Variants in ESPL1 observed in about 807,000 individuals in gnomAD.
ESPL1 encodes the protein separin.
A neutral mutation model predicts 217.2 loss-of-function variants in ESPL1; 50 were observed. The ratio of observed to expected loss-of-function variants is 0.23; its 90% confidence interval spans 0.18 to 0.29. ESPL1 has a LOEUF of 0.29. ESPL1 is among the 10% of genes least tolerant of loss of function. The pLI is 1.00. For missense variants in ESPL1, 1,834 were observed against 2,603.0 expected, an observed-to-expected ratio of 0.70 and a Z score of 6.43; for synonymous variants, 994 against 1,081.3, an observed-to-expected ratio of 0.92 and a Z score of 1.58.
rs1565767308 is a variant in ESPL1, at chr12:53,292,563, T to C, written c.5913-11T>C. 6.2e-7 allele frequency: 1 copy of C among 1,610,392 alleles called. No individual in the cohort carries two copies. The highest frequency in any genetic ancestry group is 8.5e-7 in the Non-Finnish European group (1 of 1,178,990). On this transcript the variant is annotated splice_polypyrimidine_tract_variant and intron_variant, in intron 28 of 30. Transcript: ENST00000257934. The surrounding 1 kb of genome is among the most constrained non-coding windows in gnomAD (Gnocchi z 4.5). Reference sequence around the variant, plus strand: ...CATTTCCCTATTCTCACACCTGCCTTTTCCCTGCAGTGAAGCTGGCTGGAG... The same window carrying C: ...CATTTCCCTATTCTCACACCTGCCTCTTCCCTGCAGTGAAGCTGGCTGGAG...
In ESPL1 at chr12:53,286,967, G is replaced by A; in HGVS notation, c.4176+55G>A. On this transcript the variant is annotated intron_variant, in intron 18 of 30. Coordinates refer to ENST00000257934, the MANE Select transcript of ESPL1 (RefSeq NM_012291.5). The surrounding 1 kb of genome is among the most constrained non-coding windows in gnomAD (Gnocchi z 5.3). ...GATGGTGTTGGATGGGGTTAGTCCT[G>A]GAGGAGAGTGTTTTATAGAGCAGGT... 2 of 1,515,204 alleles carry A rather than the reference G, an allele frequency of 1.3e-6. No homozygotes were observed. The highest frequency in any genetic ancestry group is 1.8e-6 in the Non-Finnish European group (2 of 1,128,544). The allele number at this position is 1,515,204 out of a possible 1,614,324, so 93.9% of individuals were successfully genotyped here.
Position 53,269,689 on chromosome 12 carries a change from C to G in ESPL1, c.747C>G (p.Leu249=). 2.9e-5 allele frequency: 47 copies of G among 1,614,210 alleles called. No homozygotes were observed. The highest frequency in any genetic ancestry group is 3.9e-5 in the Non-Finnish European group (46 of 1,180,038). The change falls in exon 3 of 31, where the codon CTC becomes CTG. Residue 249 remains leucine, a synonymous_variant. Coordinates refer to ENST00000257934, the MANE Select transcript of ESPL1 (RefSeq NM_012291.5). The surrounding 1 kb of genome is among the most constrained non-coding windows in gnomAD (Gnocchi z 6.7). ...GGCTTCTTTCTCCCCAGAGGGCCCT[C>G]TGCCTCTTGGAGCTCACCTTGGAAC... The part of the protein sequence containing the change: ...SSGLLSPQRA[L]CLLELTLEHC...
rs1035862635 is a variant in ESPL1, at chr12:53,270,749, C to T, written c.1320C>T (p.Ala440=). Reference sequence around the variant, plus strand: ...CTACCGTTGTCTGGATGCTGGAGGCCTTAGAGGGCCTGTCGGGCCAAGAGC... The same window carrying T: ...CTACCGTTGTCTGGATGCTGGAGGCTTTAGAGGGCCTGTCGGGCCAAGAGC... The part of the protein sequence containing the change: ...CKSTVVWMLE[A]LEGLSGQELT... Residue 440 remains alanine (A), a synonymous_variant, in exon 5 of 31, where the codon GCC becomes GCT. Coordinates refer to ENST00000257934, the MANE Select transcript of ESPL1 (RefSeq NM_012291.5). 14 of 1,614,030 alleles carry T rather than the reference C, an allele frequency of 8.7e-6. No homozygotes were observed. Among genetic ancestry groups the T allele is most frequent in the Non-Finnish European group, 1.2e-5 (14 of 1,180,040 alleles).
intron 7 of ESPL1, among the ~76,000 whole-genome samples, chr12:53,275,881 T>C (rs1380966062): frequency 1.3e-5 from 2 of 152,140 alleles, no homozygotes; most frequent in Non-Finnish European, 1.5e-5. Context: ...GTATGCTCTA[T>C]GAAGACAATT....
intron 11 of ESPL1, 23 bp downstream of exon 11, chr12:53,277,983 G>A: frequency 6.2e-7 from 1 of 1,609,968 alleles, no homozygotes; most frequent in Non-Finnish European, 8.5e-7. Flanking sequence ...GGCATTGAGG[G>A]GGACCCATAT....
Position 53,286,813 on chromosome 12 carries a change from T to A in ESPL1, c.4077T>A (p.His1359Gln). Reference sequence around the variant, plus strand: ...ACCGGATCAGGCAAGCTGGCCCTCATGTCCCCTTCACGGTGTTTGAGGAAG... The same window carrying A: ...ACCGGATCAGGCAAGCTGGCCCTCAAGTCCCCTTCACGGTGTTTGAGGAAG... The part of the protein sequence containing the change: ...PPDRIRQAGP[H>Q]VPFTVFEEVC... The change falls in exon 18 of 31, where the codon CAT (histidine) becomes CAA (glutamine). Residue 1359 changes from histidine to glutamine, a missense_variant. By Grantham distance (24) the His-to-Gln change is conservative. Around this residue, in one of 5 missense-constraint regions of ESPL1, gnomAD observed 681 missense variants for 808.0 expected, o/e 0.84. Coordinates refer to ENST00000257934, the MANE Select transcript of ESPL1 (RefSeq NM_012291.5). The surrounding 1 kb of genome is among the most constrained non-coding windows in gnomAD (Gnocchi z 5.3). 3.7e-6 allele frequency: 6 copies of A among 1,614,104 alleles called. No individual in the cohort carries two copies. The highest frequency in any genetic ancestry group is 5.1e-6 in the Non-Finnish European group (6 of 1,180,006).
At chr12:53,276,996 G>C in intron 8 of ESPL1, 87 bp from the exon 9 acceptor site, 2 of 1,567,856 alleles carry the variant, frequency 1.3e-6, no homozygotes, top group Middle Eastern at 3.4e-4. Context: ...CAAAGGGCGA[G>C]GCCAGCTGTT....
Position 53,269,423 on chromosome 12 carries a change from C to G in ESPL1, c.481C>G (p.Arg161Gly). The G allele has an allele frequency of 6.2e-7, 1 of 1,613,832 alleles. No individual in the cohort carries two copies. Among genetic ancestry groups the G allele is most frequent in the Non-Finnish European group, 8.5e-7 (1 of 1,179,962 alleles). Residue 161 changes from arginine (R) to glycine (G), a missense_variant, in exon 3 of 31, where the codon CGG becomes GGG. Coordinates refer to ENST00000257934, the MANE Select transcript of ESPL1 (RefSeq NM_012291.5). This position sits in a 1 kb window ranked among gnomAD's most constrained non-coding sequence, Gnocchi z 6.7. ...LWKGAEALLE[R>G]RAAFAARLKA... ...GAAGGGGGCAGAAGCCCTGTTGGAA[C>G]GGCGAGCTGCATTTGCAGCTCGGCT... is the stretch of plus-strand genomic sequence containing the variant.
chr12:53,279,142 C>T (rs114780779), intron 11 of ESPL1, among the ~76,000 whole-genome samples: 432 of 152,338 alleles, frequency 2.8e-3, no homozygotes, highest in African/African-American at 9.7e-3. Flanking sequence ...CCGTCTGCCT[C>T]AGCCTTTCAA....
At position 53,289,573 on chromosome 12, in the gene ESPL1, C is replaced by G; in HGVS notation, c.5092C>G (p.Arg1698Gly). Residue 1698 changes from arginine to glycine, a missense_variant, in exon 22 of 31, where the codon CGC becomes GGC. Physicochemically the swap from Arg to Gly is moderately radical, Grantham distance 125 (BLOSUM62 -2). Transcript: ENST00000257934. ...PQPEKESFQE[R>G]LALIPSGVTV... is the part of the protein sequence containing the mutation. ...GCCTGAAAAGGAGAGTTTCCAGGAG[C>G]GCCTGGCTCTGATCCCCAGTGGTAT... 1 of 1,613,864 alleles carries G rather than the reference C, an allele frequency of 6.2e-7. No homozygotes were observed. The highest frequency in any genetic ancestry group is 8.5e-7 in the Non-Finnish European group (1 of 1,179,954).
Position 53,277,626 on chromosome 12 carries a change from T to C in ESPL1, c.2224+18T>C. On this transcript the variant is annotated intron_variant, in intron 10 of 30. Coordinates refer to ENST00000257934, the MANE Select transcript of ESPL1 (RefSeq NM_012291.5). ...AGATGCTGGTGAGGGGTAAATGGAGTGTGGCATGGGCATCTCCATGGCTTC... is the reference window on the plus strand; with the variant it reads ...AGATGCTGGTGAGGGGTAAATGGAGCGTGGCATGGGCATCTCCATGGCTTC... The C allele has an allele frequency of 6.2e-7, 1 of 1,612,708 alleles. No individual in the cohort carries two copies. Among genetic ancestry groups the C allele is most frequent in the Non-Finnish European group, 8.5e-7 (1 of 1,179,112 alleles).
At chr12:53,288,785 C>T (rs574819143) in intron 20 of ESPL1, 86 bp downstream of exon 20, 13 of 1,317,702 alleles carry the variant, frequency 9.9e-6, no homozygotes, top group East Asian at 6.9e-5. Context: ...AGGCTGGGTT[C>T]GGATCTGGAT....
Position 53,288,121 on chromosome 12 carries a change from A to G in ESPL1, c.4326A>G (p.Pro1442=), listed in dbSNP as rs759154379. 1 of 1,613,728 alleles carries G rather than the reference A, an allele frequency of 6.2e-7. No homozygotes were observed. Among genetic ancestry groups the G allele is most frequent in the African/African-American group, 1.3e-5 (1 of 75,062 alleles). ...LSLKTDAVVA[P]GSAPGNPGLN... is the part of the protein sequence containing the mutation. ...TAAAGACGGATGCCGTGGTTGCCCC[A>G]GGTAGTGCCCCTGGGAACCCTGGCC... is the stretch of plus-strand genomic sequence containing the variant. Residue 1442 remains proline, a synonymous_variant, in exon 19 of 31, where the codon CCA becomes CCG. Coordinates refer to ENST00000257934, the MANE Select transcript of ESPL1 (RefSeq NM_012291.5).
intron 8 of ESPL1, 102 bp downstream of exon 8, chr12:53,276,961 C>T (rs773148878): frequency 4.5e-6 from 7 of 1,552,840 alleles, no homozygotes; most frequent in Non-Finnish European, 5.2e-6. Context: ...GCTCTCCCTT[C>T]ATCTTGTGGC....
Position 53,277,830 on chromosome 12 carries a change from A to G in ESPL1, c.2234A>G (p.Lys745Arg), listed in dbSNP as rs2120916135. The G allele has an allele frequency of 6.2e-7, 1 of 1,614,082 alleles. No individual in the cohort carries two copies. Among genetic ancestry groups the G allele is most frequent in the Non-Finnish European group, 8.5e-7 (1 of 1,179,964 alleles). ...TCTTCTGGCTTAACAGCTCAGTCCA[A>G]ATGCCTGGACCAAGCCCTGGCCCTG... is the stretch of plus-strand genomic sequence containing the variant. The part of the protein sequence containing the change: ...FNLAADAAQS[K>R]CLDQALALWK... The change falls in exon 11 of 31, where the codon AAA becomes AGA. Residue 745 changes from lysine to arginine, a missense_variant. By Grantham distance (26) the Lys-to-Arg change is conservative. Coordinates refer to ENST00000257934, the MANE Select transcript of ESPL1 (RefSeq NM_012291.5).
intron 8 of ESPL1, 61 bp from the exon 9 acceptor site, chr12:53,277,022 C>T (rs1441364837): frequency 1.9e-6 from 3 of 1,584,814 alleles, no homozygotes; most frequent in African/African-American, 1.3e-5. Flanking sequence ...GCTAGCCCTT[C>T]CCAGGGCGCT....
In ESPL1 at chr12:53,269,655, G is replaced by C; in HGVS notation, c.713G>C (p.Ser238Thr). The C allele has an allele frequency of 6.2e-7, 1 of 1,614,200 alleles. No individual in the cohort carries two copies. ...VIRALVGERG[S>T]SSGLLSPQRA... ...AGAGCCTTGGTGGGTGAGAGAGGGA[G>C]CTCTTCTGGGCTTCTTTCTCCCCAG... is the stretch of plus-strand genomic sequence containing the variant. The change falls in exon 3 of 31, where the codon AGC (serine) becomes ACC (threonine). Residue 238 changes from serine (S) to threonine (T), a missense_variant. Around this residue, in one of 5 missense-constraint regions of ESPL1, gnomAD observed 746 missense variants for 1,077.0 expected, o/e 0.69. Transcript: ENST00000257934. This position sits in a 1 kb window ranked among gnomAD's most constrained non-coding sequence, Gnocchi z 6.7.
Position 53,285,082 on chromosome 12 carries a change from C to A in ESPL1, c.3188-842C>A, listed in dbSNP as rs113723335. 5.0e-3 allele frequency among the ~76,000 whole-genome samples: 757 copies of A among 151,556 alleles called. 5 individuals carry two copies. The highest frequency in any genetic ancestry group is 0.018 in the African/African-American group (731 of 41,314). On this transcript the variant is annotated intron_variant, in intron 17 of 30. Coordinates refer to ENST00000257934, the MANE Select transcript of ESPL1 (RefSeq NM_012291.5). ...AGAATTCAGTCCTCAGTCACACTAGCCACACTTCATGTGCTCAATAGCCAC... is the reference window on the plus strand; with the variant it reads ...AGAATTCAGTCCTCAGTCACACTAGACACACTTCATGTGCTCAATAGCCAC...
Position 53,289,579 on chromosome 12 carries a change from G to T in ESPL1, c.5098G>T (p.Ala1700Ser). The change falls in exon 22 of 31, where the codon GCT becomes TCT. Residue 1700 changes from alanine (A) to serine (S), a missense_variant. Coordinates refer to ENST00000257934, the MANE Select transcript of ESPL1 (RefSeq NM_012291.5). ...AAAGGAGAGTTTCCAGGAGCGCCTG[G>T]CTCTGATCCCCAGTGGTATGCGGGC... ...PEKESFQERL[A>S]LIPSGVTVCV... 1 of 1,613,752 alleles carries T rather than the reference G, an allele frequency of 6.2e-7. No individual in the cohort carries two copies. Among genetic ancestry groups the T allele is most frequent in the Non-Finnish European group, 8.5e-7 (1 of 1,179,944 alleles).
Sources: gnomAD v4.1 joint callset for allele counts (sites outside exome capture counted in the v4.1 genomes callset) on GRCh38, gnomAD v4.1.1 for gene constraint, gnomAD v4.1.1 regional missense constraint, Gnocchi (gnomAD v3.1) non-coding constraint, MANE v1.5 for transcripts, NCBI Gene and HGNC (gene_info 2026-07-23, HGNC 2026-07-21) for gene names.